Variants in NEBL observed in about 807,000 individuals in gnomAD.
NEBL encodes the protein nebulette.
Under a neutral mutation model 140.2 loss-of-function variants are expected in NEBL, and 122 were observed. The ratio of observed to expected loss-of-function variants is 0.87; its 90% CI spans 0.75 to 1.01. NEBL has a LOEUF of 1.01. Ranked by LOEUF, NEBL falls within the 50% of genes least tolerant of loss-of-function variation. NEBL has a pLI of 0.00. For synonymous variants in NEBL, 436 were observed against 398.9 expected (o/e 1.09, Z -1.11); for missense variants, 1,365 against 1,231.3 (o/e 1.11, Z -1.62).
At chr10:20,849,385 T>A (rs902596336) in intron 11 of NEBL, among the ~76,000 whole-genome samples, 1 of 152,196 alleles carries the variant, frequency 6.6e-6, no homozygotes, top group Non-Finnish European at 1.5e-5. Context: ...ATGCTTTGAA[T>A]GTGTCCCTTC....
intron 2 of NEBL, among the ~76,000 whole-genome samples, chr10:21,155,364 A>G (rs1266601621): frequency 6.6e-6 from 1 of 152,150 alleles, no homozygotes; most frequent in Non-Finnish European, 1.5e-5. Flanking sequence ...GCTATCAAAT[A>G]CCAGGTCTTA....
At position 21,109,496 on chromosome 10, in the gene NEBL, G is replaced by A. The variant is rs191964192; in HGVS notation, c.164+62887C>T. Among the ~76,000 whole-genome samples, 1,084 of 152,252 alleles carry A rather than the reference G, an allele frequency of 7.1e-3. 32 individuals carry two copies. The highest frequency in any genetic ancestry group is 5.4e-3 in the Non-Finnish European group (365 of 68,022). On this transcript the variant is annotated intron_variant, in intron 2 of 6. Coordinates refer to the NEBL transcript ENST00000417816. ...GTGTCTCTGCCAGGTTTTGGTGTCA[G>A]GATGATGCTGGCCTCATAAAATGAA...
At chr10:21,142,559 A>G (rs143991504) in intron 2 of NEBL, among the ~76,000 whole-genome samples, 263 of 152,348 alleles carry the variant, frequency 1.7e-3, no homozygotes, top group African/African-American at 6.2e-3. Flanking sequence ...TGAGCATCTA[A>G]GGGAAATTGT....
chr10:20,999,181 T>G (rs1589123081), intron 3 of NEBL, among the ~76,000 whole-genome samples: 1 of 147,762 alleles, frequency 6.8e-6, no homozygotes, highest in African/African-American at 2.5e-5. Context: ...AAAAAAAGGC[T>G]GTCAGGGAAG....
At chr10:20,976,512 A>G (rs1836805366) in intron 3 of NEBL, among the ~76,000 whole-genome samples, 1 of 152,180 alleles carries the variant, frequency 6.6e-6, no homozygotes, top group South Asian at 2.1e-4. Context: ...AAGACATGGA[A>G]TCAACCCAGG....
intron 2 of NEBL, among the ~76,000 whole-genome samples, chr10:21,103,936 T>C (rs1183374318): frequency 6.6e-6 from 1 of 152,242 alleles, no homozygotes; most frequent in Admixed American, 6.5e-5. Context: ...CATTTAAGTT[T>C]ATGATATGTT....
At chr10:20,874,377 C>T (rs1186924146) in intron 5 of NEBL, among the ~76,000 whole-genome samples, 1 of 152,174 alleles carries the variant, frequency 6.6e-6, no homozygotes, top group African/African-American at 2.4e-5. Context: ...ATCGGACAGA[C>T]ACGTAACCCA....
chr10:20,961,724 G>A lies in NEBL; in HGVS notation c.305C>T (p.Thr102Met), dbSNP rs377492976. ...CAGTCTCTGTAGCTCAGGAGTGTCC[G>A]TGACGATGCTGAAGCCCCTCCCTTT... The change falls in exon 4 of 7, where the codon ACG (threonine) becomes ATG (methionine). Residue 102 changes from threonine to methionine, a missense_variant. Physicochemically the swap from Thr to Met is moderately conservative, Grantham distance 81 (BLOSUM62 -1). Transcript: ENST00000417816. The A allele has an allele frequency of 7.3e-5, 118 of 1,613,784 alleles. No homozygotes were observed. The highest frequency in any genetic ancestry group is 1.6e-4 in the African/African-American group (12 of 74,884).
intron 2 of NEBL, among the ~76,000 whole-genome samples, chr10:21,138,037 A>T (rs1288914545): frequency 6.6e-6 from 1 of 152,024 alleles, no homozygotes; most frequent in East Asian, 1.9e-4. Context: ...GTGGGTATCG[A>T]GATTTCCAAT....
intron 12 of NEBL, among the ~76,000 whole-genome samples, chr10:20,843,511 C>T (rs1168265254): frequency 6.6e-6 from 1 of 151,148 alleles, no homozygotes; most frequent in Non-Finnish European, 1.5e-5. Flanking sequence ...CTTCACATTG[C>T]CATTTGTATA....
At chr10:21,103,152 T>C (rs1226709326) in intron 2 of NEBL, among the ~76,000 whole-genome samples, 1 of 151,920 alleles carries the variant, frequency 6.6e-6, no homozygotes, top group Non-Finnish European at 1.5e-5. Flanking sequence ...TACTATTTTA[T>C]AAAATAAAAT....
At chr10:20,899,406 C>A (rs767073006), upstream of NEBL, 65 of 1,303,916 alleles carry the variant, frequency 5.0e-5, no homozygotes, top group Non-Finnish European at 6.0e-5. Context: ...GCAGTTATTT[C>A]TCATTTCCCA....
intron 3 of NEBL, among the ~76,000 whole-genome samples, chr10:21,234,478 G>A (rs765965551): frequency 4.6e-5 from 7 of 152,172 alleles, no homozygotes; most frequent in Non-Finnish European, 1.0e-4. Context: ...ACCAGAAGCA[G>A]AGCAGATGCC....
chr10:20,787,453 G>A (rs1835517742), intron 26 of NEBL, 145 bp from the exon 27 acceptor site: 2 of 706,514 alleles, frequency 2.8e-6, no homozygotes, highest in South Asian at 3.0e-5. Context: ...AAGTTGCAGT[G>A]TTATAAGTGA....
At chr10:21,042,161 G>T (rs937696716) in intron 2 of NEBL, among the ~76,000 whole-genome samples, 2 of 152,298 alleles carry the variant, frequency 1.3e-5, no homozygotes, top group Middle Eastern at 3.4e-3. Context: ...ACTTAGTACG[G>T]TGCTAGGTAC....
At position 20,826,466 on chromosome 10, in the gene NEBL, T is replaced by C; in HGVS notation, c.1850A>G (p.Asn617Ser). 1.2e-6 allele frequency: 2 copies of C among 1,612,402 alleles called. No homozygotes were observed. Among genetic ancestry groups the C allele is most frequent in the African/African-American group, 2.7e-5 (2 of 74,990 alleles). ...DSPEIERVKK[N>S]QQNISSVKYK... ...ACTTACTGAACTAATATTCTGCTGATTTTTCTTCACTCGTTCGATCTCTGG... is the reference window on the plus strand; with the variant it reads ...ACTTACTGAACTAATATTCTGCTGACTTTTCTTCACTCGTTCGATCTCTGG... Residue 617 changes from asparagine to serine, a missense_variant, in exon 18 of 28, where the codon AAT (asparagine) becomes AGT (serine). Asn to Ser is a conservative substitution (Grantham distance 46). Transcript: ENST00000377122.
At chr10:21,001,899 G>C (rs1837918443) in intron 3 of NEBL, among the ~76,000 whole-genome samples, 1 of 152,114 alleles carries the variant, frequency 6.6e-6, no homozygotes, top group South Asian at 2.1e-4. Context: ...AAGCAAAACT[G>C]GTCTCTGTTT....
Position 20,821,159 on chromosome 10 carries a change from G to T in NEBL, c.1963-1643C>A, listed in dbSNP as rs551981940. 2.2e-4 allele frequency among the ~76,000 whole-genome samples: 34 copies of T among 152,330 alleles called. 1 individual carries two copies. The South Asian group carries it at 6.8e-3, about 31-fold the overall frequency. Reference sequence around the variant, plus strand: ...ATAGTAAATTCACATTATTGACAAAGAGAAACTCTTACTGCCAATTTCTAG... The same window carrying T: ...ATAGTAAATTCACATTATTGACAAATAGAAACTCTTACTGCCAATTTCTAG... On this transcript the variant is annotated intron_variant, in intron 19 of 27. Transcript: ENST00000377122.
At chr10:20,904,699 T>G (rs1848016399) in intron 4 of NEBL, among the ~76,000 whole-genome samples, 1 of 152,236 alleles carries the variant, frequency 6.6e-6, no homozygotes, top group Admixed American at 6.5e-5. Flanking sequence ...CAAGCAGAGT[T>G]AACTCACCAC....
Sources: allele counts gnomAD v4.1 joint callset (sites outside exome capture counted in the v4.1 genomes callset), GRCh38; gene constraint gnomAD v4.1.1; transcripts MANE v1.5; gene names NCBI Gene and HGNC (gene_info 2026-07-23, HGNC 2026-07-21).